Variants in PTPRM observed in about 807,000 individuals in gnomAD.
The protein encoded by PTPRM is receptor-type tyrosine-protein phosphatase mu.
PTPRM carries 47 observed loss-of-function variants against 186.7 expected under a neutral mutation model. The ratio of observed to expected loss-of-function variants is 0.25; its 90% CI spans 0.20 to 0.32. The LOEUF (loss-of-function observed/expected upper bound fraction) is 0.32, where lower values mean the gene tolerates loss of function less well. PTPRM is among the 10% of genes least tolerant of loss of function. PTPRM has a pLI of 1.00. For synonymous variants in PTPRM, 668 were observed against 674.9 expected (o/e 0.99, Z 0.16); for missense variants, 1,494 against 1,865.0 (o/e 0.80, Z 3.66).
At chr18:7,620,426 C>G (rs547262686) in intron 1 of PTPRM, among the ~76,000 whole-genome samples, 150 of 152,258 alleles carry the variant, frequency 9.9e-4, no homozygotes, top group Middle Eastern at 6.8e-3. Context: ...ACCCCCGACC[C>G]CTCTTCTCTG....
intron 1 of PTPRM, among the ~76,000 whole-genome samples, chr18:7,654,966 G>C (rs1440031696): frequency 6.6e-6 from 1 of 152,092 alleles, no homozygotes; most frequent in Non-Finnish European, 1.5e-5. Flanking sequence ...ATTTTAAATA[G>C]ATTTTTCTAG....
chr18:8,177,531 G>C (rs1360732114), intron 14 of PTPRM, among the ~76,000 whole-genome samples: 2 of 152,216 alleles, frequency 1.3e-5, no homozygotes, highest in African/African-American at 2.4e-5. Flanking sequence ...AAGCTCAGCT[G>C]CTGTGATTGG....
At chr18:7,731,101 A>G (rs2040649790) in intron 1 of PTPRM, among the ~76,000 whole-genome samples, 1 of 152,234 alleles carries the variant, frequency 6.6e-6, no homozygotes, top group Non-Finnish European at 1.5e-5. Flanking sequence ...ATTAAATTGT[A>G]TTTAACAACT....
chr18:7,839,017 A>G lies in PTPRM; in HGVS notation c.197-49089A>G, dbSNP rs536674734. ...TCCCTTCTGGCCCAAAGGGCTCCTA[A>G]GTCAGCCTGTGGTGAATGCTGCCTT... is the stretch of plus-strand genomic sequence containing the variant. On this transcript the variant is annotated intron_variant, in intron 2 of 32. Coordinates refer to ENST00000580170, the MANE Select transcript of PTPRM (RefSeq NM_001105244.2). Among the ~76,000 whole-genome samples, 4 of 152,070 alleles carry G rather than the reference A, an allele frequency of 2.6e-5. No individual in the cohort carries two copies. In the South Asian group the frequency reaches 8.3e-4, roughly 32 times the overall value.
At chr18:7,657,754 G>A (rs953425346) in intron 1 of PTPRM, among the ~76,000 whole-genome samples, 3 of 152,218 alleles carry the variant, frequency 2.0e-5, no homozygotes, top group East Asian at 1.9e-4. Context: ...AAATGAAAAG[G>A]TGTTGCATTT....
intron 1 of PTPRM, among the ~76,000 whole-genome samples, chr18:7,734,571 T>C (rs1355552465): frequency 6.6e-6 from 1 of 152,160 alleles, no homozygotes; most frequent in Non-Finnish European, 1.5e-5. Context: ...TCTGGTAGGG[T>C]TGATATTTAA....
At chr18:7,762,705 T>C (rs1032261215) in intron 1 of PTPRM, among the ~76,000 whole-genome samples, 1 of 152,118 alleles carries the variant, frequency 6.6e-6, no homozygotes, top group Admixed American at 6.5e-5. Context: ...GAACATGAGC[T>C]GAAACTCAAA....
chr18:7,634,683 C>A (rs2038271618), intron 1 of PTPRM, among the ~76,000 whole-genome samples: 1 of 152,122 alleles, frequency 6.6e-6, no homozygotes, highest in Admixed American at 6.5e-5. Context: ...TTTTGTTATT[C>A]TTGTAAAATC....
intron 22 of PTPRM, 129 bp from the exon 23 acceptor site, chr18:8,343,294 A>T (rs1031691860): frequency 2.4e-5 from 15 of 620,778 alleles, no homozygotes; most frequent in Non-Finnish European, 4.1e-5. Context: ...TTGACACTAG[A>T]GACCTGTGTC....
At chr18:7,933,551 G>T (rs551148297) in intron 5 of PTPRM, among the ~76,000 whole-genome samples, 4 of 152,110 alleles carry the variant, frequency 2.6e-5, no homozygotes, top group Non-Finnish European at 5.9e-5. Flanking sequence ...CATGGAACAG[G>T]GGGGACTGCT....
intron 1 of PTPRM, among the ~76,000 whole-genome samples, chr18:7,673,819 G>C (rs1374967432): frequency 1.3e-5 from 2 of 152,202 alleles, no homozygotes; most frequent in Non-Finnish European, 2.9e-5. Context: ...GCTGCTGAGC[G>C]GTCAAGGACA....
chr18:7,837,278 G>C (rs1237758398), intron 2 of PTPRM, among the ~76,000 whole-genome samples: 1 of 152,046 alleles, frequency 6.6e-6, no homozygotes, highest in Non-Finnish European at 1.5e-5. Flanking sequence ...TCTTCTGCCT[G>C]ACCTATTCTA....
intron 1 of PTPRM, among the ~76,000 whole-genome samples, chr18:7,721,789 C>G (rs148635097): frequency 6.6e-6 from 1 of 152,254 alleles, no homozygotes; most frequent in Admixed American, 6.5e-5. Flanking sequence ...GCTCTCTATT[C>G]TGTTTCATTA....
intron 4 of PTPRM, among the ~76,000 whole-genome samples, chr18:7,921,955 T>C (rs1263072229): frequency 6.6e-6 from 1 of 152,230 alleles, no homozygotes; most frequent in East Asian, 1.9e-4. Context: ...TCTATGTCTT[T>C]GCATTGAAGG....
intron 4 of PTPRM, among the ~76,000 whole-genome samples, chr18:7,914,586 C>T (rs983341107): frequency 6.6e-6 from 1 of 151,396 alleles, no homozygotes; most frequent in Admixed American, 6.6e-5. Context: ...ACAATGCTTA[C>T]CACATTCTAA....
chr18:7,816,037 C>G (rs2044805093), intron 2 of PTPRM, among the ~76,000 whole-genome samples: 1 of 152,172 alleles, frequency 6.6e-6, no homozygotes, highest in African/African-American at 2.4e-5. Context: ...CACTGAGTGT[C>G]AAGTGAGTGA....
Position 7,668,437 on chromosome 18 carries a change from G to A in PTPRM, c.73+100546G>A, listed in dbSNP as rs1433421035. ...TATTTAACACGTTTTACACATTTTTGTTGGATATTCCCTGCTTGGCCCCTT... is the reference window on the plus strand; with the variant it reads ...TATTTAACACGTTTTACACATTTTTATTGGATATTCCCTGCTTGGCCCCTT... On this transcript the variant is annotated intron_variant, in intron 1 of 32. Transcript: ENST00000580170. This position sits in a 1 kb window ranked among gnomAD's most constrained non-coding sequence, Gnocchi z 4.7. Among the ~76,000 whole-genome samples the A allele has an allele frequency of 6.6e-6, 1 of 152,194 alleles. No individual in the cohort carries two copies.
intron 17 of PTPRM, among the ~76,000 whole-genome samples, chr18:8,250,689 T>A (rs150491959): frequency 6.6e-6 from 1 of 151,454 alleles, no homozygotes; most frequent in Non-Finnish European, 1.5e-5. Context: ...CTCAAGAGGC[T>A]GAGGCAGGAG....
At chr18:8,213,752 G>A (rs1377450343) in intron 14 of PTPRM, among the ~76,000 whole-genome samples, 1 of 152,142 alleles carries the variant, frequency 6.6e-6, no homozygotes, top group African/African-American at 2.4e-5. Context: ...TCCCACTACT[G>A]GGTATGTAAC....
Sources: gnomAD v4.1 joint callset for allele counts (sites outside exome capture counted in the v4.1 genomes callset) on GRCh38, gnomAD v4.1.1 for gene constraint, Gnocchi (gnomAD v3.1) non-coding constraint, MANE v1.5 for transcripts, NCBI Gene and HGNC (gene_info 2026-07-23, HGNC 2026-07-21) for gene names.